EPHA5: variants seen among roughly 807,000 people sequenced by gnomAD.
EPHA5 encodes the protein ephrin type-A receptor 5.
EPHA5 carries 60 observed loss-of-function variants against 105.0 expected under a neutral mutation model. The observed-to-expected ratio is 0.57, with a 90% CI of 0.46 to 0.71. EPHA5 has a LOEUF of 0.71. EPHA5 is among the 30% of genes least tolerant of loss of function. EPHA5 has a pLI of 0.00. For synonymous variants in EPHA5, 513 were observed against 449.1 expected (o/e 1.14, Z -1.80); for missense variants, 1,218 against 1,274.7 (o/e 0.96, Z 0.68).
At chr4:65,626,412 G>T (rs1746167834) in intron 2 of EPHA5, among the ~76,000 whole-genome samples, 1 of 152,012 alleles carries the variant, frequency 6.6e-6, no homozygotes, top group South Asian at 2.1e-4. Context: ...TTTCATTATT[G>T]TGATCAAATA....
At chr4:65,468,995 T>C (rs1220374070) in intron 5 of EPHA5, among the ~76,000 whole-genome samples, 4 of 152,180 alleles carry the variant, frequency 2.6e-5, no homozygotes, top group African/African-American at 7.2e-5. Context: ...GTGATAGGTT[T>C]TGTGGTAAGC....
intron 5 of EPHA5, among the ~76,000 whole-genome samples, chr4:65,484,362 A>G (rs1240134397): frequency 6.6e-6 from 1 of 152,202 alleles, no homozygotes; most frequent in South Asian, 2.1e-4. Flanking sequence ...GAAAAGACCC[A>G]TTGAACTGGT....
chr4:65,549,366 A>C (rs1322996996), intron 3 of EPHA5, among the ~76,000 whole-genome samples: 2 of 152,144 alleles, frequency 1.3e-5, no homozygotes, highest in African/African-American at 2.4e-5. Flanking sequence ...CAAGTAAATG[A>C]TTATAAATGG....
At chr4:65,602,848 T>C (rs2149443413) in intron 2 of EPHA5, among the ~76,000 whole-genome samples, 1 of 152,246 alleles carries the variant, frequency 6.6e-6, no homozygotes, top group South Asian at 2.1e-4. Context: ...GAATAAAAGT[T>C]GAAAGAAAAT....
In EPHA5 at chr4:65,549,197, T is replaced by C. The variant is rs1414308347; in HGVS notation, c.910+52444A>G. 3.9e-5 allele frequency among the ~76,000 whole-genome samples: 6 copies of C among 152,198 alleles called. No homozygotes were observed. In the East Asian group the frequency reaches 1.2e-3, roughly 29 times the overall value. On this transcript the variant is annotated intron_variant, in intron 3 of 16. Coordinates refer to ENST00000613740, the MANE Select transcript of EPHA5 (RefSeq NM_001281766.3). ...AGACTACAACTAAATTTCCATGATG[T>C]CTATGGCCAGAAGATAATAAAATGA...
chr4:65,548,535 T>C (rs1239128014), intron 3 of EPHA5, among the ~76,000 whole-genome samples: 1 of 151,962 alleles, frequency 6.6e-6, no homozygotes, highest in Non-Finnish European at 1.5e-5. Context: ...GCTGAGAAAT[T>C]TTCACACTTG....
intron 3 of EPHA5, among the ~76,000 whole-genome samples, chr4:65,522,400 T>G (rs962518195): frequency 6.6e-6 from 1 of 151,396 alleles, no homozygotes; most frequent in African/African-American, 2.4e-5. Context: ...TTCATCTATC[T>G]TTCATACTGG....
intron 3 of EPHA5, among the ~76,000 whole-genome samples, chr4:65,537,941 A>T (rs6551934): frequency 0.87 from 132,317 of 151,586 alleles, 57,873 homozygotes; most frequent in Admixed American, 0.9. Flanking sequence ...AATAATCATA[A>T]CTATGAACAC....
At chr4:65,461,013 A>G (rs774932052) in intron 5 of EPHA5, among the ~76,000 whole-genome samples, 16 of 151,878 alleles carry the variant, frequency 1.1e-4, no homozygotes, top group Non-Finnish European at 1.9e-4. Flanking sequence ...CTGGAAATAA[A>G]CAAAAATTTA....
intron 2 of EPHA5, among the ~76,000 whole-genome samples, chr4:65,619,303 A>C (rs1440436914): frequency 3.9e-5 from 6 of 152,210 alleles, no homozygotes; most frequent in Non-Finnish European, 8.8e-5. Flanking sequence ...ACAGACAATG[A>C]TTTATATTTG....
intron 16 of EPHA5, among the ~76,000 whole-genome samples, chr4:65,325,534 G>C (rs1022636856): frequency 6.6e-6 from 1 of 151,192 alleles, no homozygotes; most frequent in African/African-American, 2.4e-5. Context: ...ATATTAAACA[G>C]TAAGCTTAAA....
At chr4:65,638,459 T>C (rs1167251096) in intron 2 of EPHA5, among the ~76,000 whole-genome samples, 1 of 152,030 alleles carries the variant, frequency 6.6e-6, no homozygotes, top group African/African-American at 2.4e-5. Flanking sequence ...ATAGGCAGAC[T>C]GGGCACGGTG....
intron 7 of EPHA5, among the ~76,000 whole-genome samples, chr4:65,411,956 C>T (rs1474341916): frequency 5.3e-5 from 8 of 152,108 alleles, no homozygotes; most frequent in East Asian, 1.9e-4. Flanking sequence ...AGGCTGGGCA[C>T]GGTGGCTGAC....
chr4:65,577,872 C>T (rs1461332037), intron 3 of EPHA5, among the ~76,000 whole-genome samples: 1 of 152,094 alleles, frequency 6.6e-6, no homozygotes, highest in Admixed American at 6.6e-5. Flanking sequence ...TTTCTCTCAT[C>T]AGACTGGTAT....
At chr4:65,328,181 C>T (rs1426585789) in intron 16 of EPHA5, among the ~76,000 whole-genome samples, 9 of 150,902 alleles carry the variant, frequency 6.0e-5, no homozygotes, top group African/African-American at 2.2e-4. Context: ...TGATATAGGC[C>T]TATGAATCTA....
chr4:65,513,207 CTAAA>C (rs1220647849), intron 3 of EPHA5, among the ~76,000 whole-genome samples: 1 of 152,120 alleles, frequency 6.6e-6, no homozygotes, highest in Non-Finnish European at 1.5e-5. Context: ...TGAGAAGCAA[CTAAA>C]TATTCTTGAT....
intron 5 of EPHA5, among the ~76,000 whole-genome samples, chr4:65,479,476 A>C (rs1730145884): frequency 6.6e-6 from 1 of 152,194 alleles, no homozygotes; most frequent in Admixed American, 6.5e-5. Context: ...GGTGAAAAAA[A>C]TAGAACTATA....
At chr4:65,460,622 A>G (rs1420858109) in intron 5 of EPHA5, among the ~76,000 whole-genome samples, 9 of 151,782 alleles carry the variant, frequency 5.9e-5, no homozygotes, top group African/African-American at 1.7e-4. Flanking sequence ...AAATATAGCA[A>G]TATTACTCAT....
intron 5 of EPHA5, among the ~76,000 whole-genome samples, chr4:65,424,110 A>G (rs1010368124): frequency 6.6e-6 from 1 of 151,978 alleles, no homozygotes; most frequent in Non-Finnish European, 1.5e-5. Flanking sequence ...ATTCAGTTCC[A>G]GTACATATGT....
Sources: allele counts gnomAD v4.1 joint callset (sites outside exome capture counted in the v4.1 genomes callset), GRCh38; gene constraint gnomAD v4.1.1; transcripts MANE v1.5; gene names NCBI Gene and HGNC (gene_info 2026-07-23, HGNC 2026-07-21).